HECW2: variants seen among roughly 807,000 people sequenced by gnomAD.
The protein encoded by HECW2 is HECT, C2 and WW domain containing E3 ubiquitin protein ligase 2.
HECW2 carries 61 observed loss-of-function variants against 175.2 expected under a neutral mutation model. The ratio of observed to expected loss-of-function variants is 0.35; its 90% CI spans 0.28 to 0.43. The LOEUF is 0.43. Among genes scored for constraint, HECW2 ranks in the 20% least tolerant of loss-of-function variants. The pLI is 1.00. For synonymous variants in HECW2, 671 were observed against 731.0 expected (o/e 0.92, Z 1.32); for missense variants, 1,524 against 2,000.5 (o/e 0.76, Z 4.54).
At chr2:196,231,626 T>C (rs1011993789) in intron 21 of HECW2, among the ~76,000 whole-genome samples, 1 of 152,112 alleles carries the variant, frequency 6.6e-6, no homozygotes, top group Admixed American at 6.6e-5. Flanking sequence ...ACCTAGCCCT[T>C]TACAGGAAAA....
intron 1 of HECW2, among the ~76,000 whole-genome samples, chr2:196,458,196 G>A (rs1696590508): frequency 6.6e-6 from 1 of 152,266 alleles, no homozygotes; most frequent in South Asian, 2.1e-4. Context: ...CTTGAGCCCA[G>A]GAGGTCAAGG....
chr2:196,320,513 C>T, intron 7 of HECW2, 74 bp from the exon 8 acceptor site: 3 of 831,138 alleles, frequency 3.6e-6, no homozygotes, highest in Non-Finnish European at 4.0e-6. Flanking sequence ...ACAGGCCACC[C>T]ACCAAATCCC....
At chr2:196,222,190 C>A in intron 24 of HECW2, 21 bp downstream of exon 24, 1 of 1,607,824 alleles carries the variant, frequency 6.2e-7, no homozygotes, top group Non-Finnish European at 8.5e-7. Context: ...ACTTAGGCGC[C>A]AGGTGTGCAG....
chr2:196,555,377 G>A (rs1157938382), intron 1 of HECW2, among the ~76,000 whole-genome samples: 1 of 151,998 alleles, frequency 6.6e-6, no homozygotes, highest in African/African-American at 2.4e-5. Context: ...GTAAGGGTGC[G>A]AATCCTTTTC....
chr2:196,227,946 A>G (rs1687913843), intron 22 of HECW2, among the ~76,000 whole-genome samples, 156 bp downstream of exon 22: 1 of 152,208 alleles, frequency 6.6e-6, no homozygotes, highest in Non-Finnish European at 1.5e-5. Context: ...ATATATTTAA[A>G]TTTGACAATA....
At chr2:196,488,652 A>C (rs1180952460) in intron 1 of HECW2, among the ~76,000 whole-genome samples, 1 of 151,918 alleles carries the variant, frequency 6.6e-6, no homozygotes, top group Non-Finnish European at 1.5e-5. Context: ...ACACACACAC[A>C]CACCCCACAT....
chr2:196,304,442 C>CACCACACT (rs1181523728), intron 13 of HECW2, among the ~76,000 whole-genome samples: 1 of 152,212 alleles, frequency 6.6e-6, no homozygotes, highest in Non-Finnish European at 1.5e-5. Flanking sequence ...AGTTGCCTCA[C>CACCACACT]ACCACACTAC....
intron 2 of HECW2, among the ~76,000 whole-genome samples, chr2:196,363,555 G>A (rs1412077911): frequency 6.6e-6 from 1 of 152,212 alleles, no homozygotes; most frequent in East Asian, 1.9e-4. Context: ...TCTAGGCCAG[G>A]AACCATGGCT....
intron 3 of HECW2, among the ~76,000 whole-genome samples, chr2:196,342,523 CTGAG>C (rs34327337): frequency 0.23 from 34,169 of 151,634 alleles, 4,544 homozygotes; most frequent in African/African-American, 0.37. Flanking sequence ...CAAAAATGTA[CTGAG>C]TATTTACTAT....
chr2:196,453,341 A>G (rs776068894), intron 1 of HECW2, among the ~76,000 whole-genome samples: 13 of 152,232 alleles, frequency 8.5e-5, no homozygotes, highest in Non-Finnish European at 1.8e-4. Context: ...AGCCAACTAC[A>G]TTAGTTTTAA....
chr2:196,570,541 G>A (rs1233580090), intron 1 of HECW2, among the ~76,000 whole-genome samples: 1 of 152,064 alleles, frequency 6.6e-6, no homozygotes, highest in African/African-American at 2.4e-5. Context: ...ATCACACCCC[G>A]GGGCCTGTCA....
At chr2:196,536,889 A>G (rs183503719) in intron 1 of HECW2, among the ~76,000 whole-genome samples, 1 of 152,324 alleles carries the variant, frequency 6.6e-6, no homozygotes, top group East Asian at 1.9e-4. Context: ...CAGCCACTGT[A>G]ACTGAGCAAG....
In HECW2 at chr2:196,257,708, T is replaced by G. The variant is rs578210460; in HGVS notation, c.3419+115A>C. The G allele has an allele frequency of 1.1e-5, 8 of 736,562 alleles. No individual in the cohort carries two copies. The African/African-American group carries it at 1.2e-4, about 11-fold the overall frequency. 45.6% of individuals were successfully genotyped at this position (736,562 alleles called of 1,614,324 possible). A position where few individuals can be genotyped will look rare whatever the true frequency, so the allele number is the denominator to read the frequency against. On this transcript the variant is annotated intron_variant, in intron 18 of 28. Transcript: ENST00000644978. ...AATCTTCAAAATATTTCCACAAGTC[T>G]AAAGAATAAGAACAATTTTTAGGCT...
At chr2:196,449,506 G>A (rs1696284398) in intron 1 of HECW2, among the ~76,000 whole-genome samples, 1 of 152,182 alleles carries the variant, frequency 6.6e-6, no homozygotes, top group South Asian at 2.1e-4. Context: ...TATGGATGCT[G>A]AAAGATTTCA....
intron 10 of HECW2, among the ~76,000 whole-genome samples, chr2:196,315,062 T>C (rs922821062): frequency 1.3e-5 from 2 of 151,980 alleles, no homozygotes; most frequent in Admixed American, 6.5e-5. Context: ...AGCAATCAGG[T>C]ATGCTCAGAT....
intron 2 of HECW2, among the ~76,000 whole-genome samples, chr2:196,349,784 C>T (rs1342887152): frequency 6.6e-6 from 1 of 152,162 alleles, no homozygotes; most frequent in Non-Finnish European, 1.5e-5. Context: ...GATTACAACA[C>T]ACAACCCTCT....
intron 28 of HECW2, among the ~76,000 whole-genome samples, chr2:196,208,923 C>T (rs952687285): frequency 4.6e-5 from 7 of 152,046 alleles, no homozygotes; most frequent in African/African-American, 1.7e-4. Context: ...TTGCAGATCC[C>T]AGTGGTTGTT....
At chr2:196,203,971 C>A (rs1037720424) in intron 28 of HECW2, among the ~76,000 whole-genome samples, 4 of 152,256 alleles carry the variant, frequency 2.6e-5, no homozygotes, top group African/African-American at 9.6e-5. Flanking sequence ...AAATATTTGT[C>A]TTTTGTGATT....
chr2:196,223,278 C>A (rs1026199626), intron 23 of HECW2, among the ~76,000 whole-genome samples: 2 of 152,138 alleles, frequency 1.3e-5, no homozygotes, highest in African/African-American at 4.8e-5. Context: ...CTATGTCACA[C>A]TTCAATTTAA....
Sources: gnomAD v4.1 joint callset for allele counts (sites outside exome capture counted in the v4.1 genomes callset) on GRCh38, gnomAD v4.1.1 for gene constraint, MANE v1.5 for transcripts, NCBI Gene and HGNC (gene_info 2026-07-23, HGNC 2026-07-21) for gene names.